The following PRIM2 variants were observed in gnomAD, a reference collection of about 807,000 sequenced individuals.
PRIM2 encodes DNA primase subunit 2, also known as DNA primase large subunit.
A neutral mutation model predicts 67.3 loss-of-function variants in PRIM2; 39 were observed. That is an observed-to-expected ratio of 0.58 (90% confidence interval 0.45 to 0.76). The LOEUF is 0.76. Among genes scored for constraint, PRIM2 ranks in the 30% least tolerant of loss-of-function variants. PRIM2 has a pLI of 0.00. For synonymous variants in PRIM2, 143 were observed against 198.7 expected, an observed-to-expected ratio of 0.72 and a Z score of 2.36; for missense variants, 398 against 598.7, an observed-to-expected ratio of 0.66 and a Z score of 3.50.
At chr6:57,518,341 A>G (rs1316787190) in intron 8 of PRIM2, among the ~76,000 whole-genome samples, 19 of 152,364 alleles carry the variant, frequency 1.2e-4, no homozygotes, top group Admixed American at 3.9e-4. Context: ...AGTCACCCTC[A>G]CAAGTGCTTT....
the PRIM2 span, among the ~76,000 whole-genome samples, chr6:57,255,174 C>T: frequency 0.013 from 1,961 of 152,190 alleles, 43 homozygotes; most frequent in African/African-American, 0.043. Context: ...CTTCTCCATA[C>T]TGCCGAGGAT....
At position 57,347,742 on chromosome 6, in the gene PRIM2, C is replaced by A. The variant is rs1768725671; in HGVS notation, c.459+21697C>A. Among the ~76,000 whole-genome samples, 3 of 123,696 alleles carry A rather than the reference C, an allele frequency of 2.4e-5. No homozygotes were observed. The Admixed American group carries it at 2.5e-4, about 10-fold the overall frequency. The allele number at this position is 123,696 out of a possible 152,430, so 81.1% of individuals were successfully genotyped here. A position where few individuals can be genotyped will look rare whatever the true frequency, so the allele number is the denominator to read the frequency against. On this transcript the variant is annotated intron_variant, in intron 5 of 13. Coordinates refer to ENST00000615550, the MANE Select transcript of PRIM2 (RefSeq NM_000947.5). ...TACAGGTGTGAGTCACTGTGACCAG[C>A]CAGGTTTATGTAATTTAATCCTCAC...
chr6:57,274,220 C>G, the PRIM2 span, among the ~76,000 whole-genome samples: 9 of 152,368 alleles, frequency 5.9e-5, no homozygotes, highest in Admixed American at 3.3e-4. Flanking sequence ...TGCCCTGCCC[C>G]CAGAGGTGGA....
chr6:57,547,954 C>A (rs1192457185), intron 10 of PRIM2, among the ~76,000 whole-genome samples: 2 of 152,182 alleles, frequency 1.3e-5, no homozygotes, highest in African/African-American at 4.8e-5. Flanking sequence ...TCAGCATCAG[C>A]ATCATTTGGG....
intron 5 of PRIM2, among the ~76,000 whole-genome samples, chr6:57,340,330 A>G (rs1055294876): frequency 7.9e-5 from 12 of 152,204 alleles, no homozygotes; most frequent in Non-Finnish European, 1.6e-4. Flanking sequence ...TAGAAGTACC[A>G]TTTGACCCAG....
chr6:57,222,317 T>C, the PRIM2 span: 2 of 152,150 alleles, frequency 1.3e-5, no homozygotes, highest in Admixed American at 6.5e-5. Flanking sequence ...TGCGCCGTGC[T>C]TCGTCTGCGC....
intron 5 of PRIM2, among the ~76,000 whole-genome samples, chr6:57,362,680 T>G (rs974652590): frequency 7.9e-6 from 1 of 127,234 alleles, no homozygotes; most frequent in Non-Finnish European, 1.8e-5. Context: ...AATTACTTCC[T>G]TTTTTTTTTT....
intron 5 of PRIM2, among the ~76,000 whole-genome samples, chr6:57,366,431 G>A (rs1769360352): frequency 6.6e-6 from 1 of 152,220 alleles, no homozygotes; most frequent in African/African-American, 2.4e-5. Context: ...TAAGTGAGCA[G>A]GAAGGACATG....
chr6:57,577,970 G>A (rs1406643961), intron 10 of PRIM2, among the ~76,000 whole-genome samples: 87 of 152,212 alleles, frequency 5.7e-4, no homozygotes, highest in Middle Eastern at 3.4e-3. Context: ...AAGACTCCAC[G>A]TTGCATTTAG....
chr6:57,270,335 G>C, the PRIM2 span, among the ~76,000 whole-genome samples: 3 of 152,114 alleles, frequency 2.0e-5, no homozygotes, highest in Non-Finnish European at 4.4e-5. Flanking sequence ...TCTCCTTGAA[G>C]AGGTCCTTCA....
chr6:57,577,698 G>A (rs1443795481), intron 10 of PRIM2, among the ~76,000 whole-genome samples: 4 of 152,086 alleles, frequency 2.6e-5, no homozygotes, highest in African/African-American at 4.8e-5. Flanking sequence ...CAAAGTGCTG[G>A]ATTTACAGGC....
intron 5 of PRIM2, among the ~76,000 whole-genome samples, chr6:57,330,355 T>TG (rs1360560909): frequency 1.7e-5 from 2 of 117,188 alleles, no homozygotes; most frequent in East Asian, 2.2e-4. Context: ...CTTGTTTTTT[T>TG]TTTTTGTTTT....
chr6:57,301,293 G>A, the PRIM2 span, among the ~76,000 whole-genome samples: 1 of 152,126 alleles, frequency 6.6e-6, no homozygotes, highest in Admixed American at 6.5e-5. Flanking sequence ...TTTGAGACCA[G>A]CGTGACCAAC....
At chr6:57,421,816 C>G (rs1417601642) in intron 7 of PRIM2, among the ~76,000 whole-genome samples, 1 of 152,118 alleles carries the variant, frequency 6.6e-6, no homozygotes, top group East Asian at 1.9e-4. Flanking sequence ...TTTCTTTTCT[C>G]CATTCAAAGA....
chr6:57,587,086 G>T (rs1409390836), intron 10 of PRIM2: 1 of 152,208 alleles, frequency 6.6e-6, no homozygotes, highest in Non-Finnish European at 1.5e-5. Context: ...TGAACACACA[G>T]AATAATTAAA....
intron 8 of PRIM2, among the ~76,000 whole-genome samples, chr6:57,521,367 G>GT (rs1163114437): frequency 0.034 from 3,280 of 97,900 alleles, 232 homozygotes; most frequent in Admixed American, 0.08. Flanking sequence ...TGTGGTTAGG[G>GT]TTTTTTTTTT....
At chr6:57,620,904 G>A (rs1776841083) in intron 12 of PRIM2, among the ~76,000 whole-genome samples, 1 of 152,276 alleles carries the variant, frequency 6.6e-6, no homozygotes. Context: ...CATGTAAATG[G>A]ACACTGAAAG....
At chr6:57,539,979 G>T (rs1359334184) in intron 10 of PRIM2, among the ~76,000 whole-genome samples, 8 of 150,628 alleles carry the variant, frequency 5.3e-5, no homozygotes, top group Non-Finnish European at 1.0e-4. Flanking sequence ...GAGTGACAGA[G>T]TGAGACTCCA....
intron 7 of PRIM2, among the ~76,000 whole-genome samples, chr6:57,458,482 G>A (rs796504440): frequency 2.6e-5 from 4 of 152,102 alleles, no homozygotes; most frequent in Admixed American, 6.6e-5. Flanking sequence ...TCAGGAGTTC[G>A]AGACCAGCCT....
Sources: allele counts gnomAD v4.1 joint callset (sites outside exome capture counted in the v4.1 genomes callset), GRCh38; gene constraint gnomAD v4.1.1; transcripts MANE v1.5; gene names NCBI Gene and HGNC (gene_info 2026-07-23, HGNC 2026-07-21).